TMEM218: variants seen among roughly 807,000 people sequenced by gnomAD.
TMEM218 encodes the protein transmembrane protein 218.
TMEM218 carries 8 observed loss-of-function variants against 10.0 expected under a neutral mutation model. The observed-to-expected ratio is 0.80, with a 90% CI of 0.47 to 1.44. The LOEUF (loss-of-function observed/expected upper bound fraction) is 1.44, where lower values mean the gene tolerates loss of function less well. TMEM218 is among the 40% of genes most tolerant of loss of function. TMEM218 has a pLI of 0.00. For synonymous variants in TMEM218, 66 were observed against 63.5 expected, an observed-to-expected ratio of 1.04 and a Z score of -0.18; for missense variants, 110 against 140.1, an observed-to-expected ratio of 0.79 and a Z score of 1.08.
At position 125,102,515 on chromosome 11, in the gene TMEM218, C is replaced by T. The variant is rs972049267; in HGVS notation, c.-76-198G>A. On this transcript the variant is annotated intron_variant, in intron 2 of 4. Coordinates refer to ENST00000682305, the MANE Select transcript of TMEM218 (RefSeq NM_001258244.2). ...TGGTGGGGACTGAGAGGGTGTTTTC[C>T]GCTCTGCGCTCAGAAGTTTTTTCTG... The T allele has an allele frequency of 3.3e-5, 48 of 1,437,994 alleles. 1 individual carries two copies. Among genetic ancestry groups the T allele is most frequent in the South Asian group, 1.0e-4 (8 of 77,650 alleles). The allele number at this position is 1,437,994 out of a possible 1,614,324, so 89.1% of individuals were successfully genotyped here.
Position 125,108,090 on chromosome 11 carries a change from G to A in TMEM218, c.-153+3449C>T, listed in dbSNP as rs1410503505. 6.6e-6 allele frequency among the ~76,000 whole-genome samples: 1 copy of A among 152,082 alleles called. No individual in the cohort carries two copies. The highest frequency in any genetic ancestry group is 2.4e-5 in the African/African-American group (1 of 41,414). Reference sequence around the variant, plus strand: ...ACGGATCCTAAATTCATATGGAAGAGCAAAAACCCAAGAATAGCCAAAACA... The same window carrying A: ...ACGGATCCTAAATTCATATGGAAGAACAAAAACCCAAGAATAGCCAAAACA... On this transcript the variant is annotated intron_variant, in intron 1 of 4. Coordinates refer to ENST00000682305, the MANE Select transcript of TMEM218 (RefSeq NM_001258244.2). The surrounding 1 kb of genome is among the most constrained non-coding windows in gnomAD (Gnocchi z 5.3).
At chr11:125,098,896 G>A (rs1270453280) in intron 4 of TMEM218, among the ~76,000 whole-genome samples, 1 of 152,172 alleles carries the variant, frequency 6.6e-6, no homozygotes, top group East Asian at 1.9e-4. Flanking sequence ...GAAGGGGGCT[G>A]TCAGCCAAGG....
intron 4 of TMEM218, among the ~76,000 whole-genome samples, chr11:125,100,192 C>T (rs1950472385): frequency 6.6e-6 from 1 of 152,218 alleles, no homozygotes; most frequent in Non-Finnish European, 1.5e-5. Flanking sequence ...AATGCTAACC[C>T]ATGAGCTCTC....
rs77803881 is a variant in TMEM218, at chr11:125,099,057, C to T, written c.214-1317G>A. ...CCTACAGAACTGTAAGATAATACAT[C>T]TGTGTTGGGAGCCATTAGTTCACAT... On this transcript the variant is annotated intron_variant, in intron 4 of 4. Transcript: ENST00000682305. 5.0e-3 allele frequency among the ~76,000 whole-genome samples: 756 copies of T among 152,326 alleles called. 7 individuals carry two copies. Among genetic ancestry groups the T allele is most frequent in the African/African-American group, 0.017 (717 of 41,578 alleles).
At chr11:125,105,930 C>T (rs1238315235) in intron 1 of TMEM218, among the ~76,000 whole-genome samples, 1 of 152,110 alleles carries the variant, frequency 6.6e-6, no homozygotes, top group Non-Finnish European at 1.5e-5. Flanking sequence ...TATTTGACTA[C>T]TAAAAGAAAT....
intron 1 of TMEM218, among the ~76,000 whole-genome samples, chr11:125,106,960 C>T (rs1236115878): frequency 6.6e-6 from 1 of 152,138 alleles, no homozygotes; most frequent in Non-Finnish European, 1.5e-5. Context: ...ACAATCTATT[C>T]ATTCATACAG....
intron 1 of TMEM218, among the ~76,000 whole-genome samples, chr11:125,107,199 G>A (rs1952384653): frequency 6.6e-6 from 1 of 152,188 alleles, no homozygotes; most frequent in African/African-American, 2.4e-5. Context: ...GAAACATAGT[G>A]ACTGTAGGAG....
At chr11:125,099,947 A>AGTGAGGT (rs201141139) in intron 4 of TMEM218, among the ~76,000 whole-genome samples, 2,679 of 151,412 alleles carry the variant, frequency 0.018, 85 homozygotes, top group African/African-American at 0.061. Flanking sequence ...AAAAAAGATA[A>AGTGAGGT]GTGAGGTGTG....
Position 125,094,606 on chromosome 11 carries a change from C to T in TMEM218, c.*3000G>A, listed in dbSNP as rs910112414. ...AATTAACTGTGAAACTTTTTAAATC[C>T]CTTGTCCTCTCTGCCTGTTTCTCAT... is the stretch of plus-strand genomic sequence containing the variant. On this transcript the variant is annotated 3_prime_UTR_variant, in exon 5 of 5. Transcript: ENST00000682305. Among the ~76,000 whole-genome samples the T allele has an allele frequency of 2.6e-5, 4 of 151,762 alleles. No individual in the cohort carries two copies. The highest frequency in any genetic ancestry group is 9.7e-5 in the African/African-American group (4 of 41,216).
intron 1 of TMEM218, among the ~76,000 whole-genome samples, chr11:125,107,084 AAGCT>A (rs938394920): frequency 4.6e-5 from 7 of 152,234 alleles, no homozygotes; most frequent in Non-Finnish European, 1.0e-4. Flanking sequence ...TAAATGAAAA[AAGCT>A]AGAGGCTAAA....
rs765934768 is a variant in TMEM218, at chr11:125,102,528, G to C, written c.-77+206C>G. The C allele has an allele frequency of 2.9e-4, 421 of 1,428,688 alleles. 1 individual carries two copies. The highest frequency in any genetic ancestry group is 3.7e-4 in the Non-Finnish European group (401 of 1,084,232). The allele number at this position is 1,428,688 out of a possible 1,614,324, so 88.5% of individuals were successfully genotyped here. On this transcript the variant is annotated intron_variant, in intron 2 of 4. Transcript: ENST00000682305. The stretch of plus-strand genomic sequence containing the variant: ...GAGGGTGTTTTCCGCTCTGCGCTCA[G>C]AAGTTTTTTCTGAGTGTTTCCTTTC...
Position 125,097,297 on chromosome 11 carries a change from A to T in TMEM218, c.*309T>A, listed in dbSNP as rs981794882. On this transcript the variant is annotated 3_prime_UTR_variant, in exon 5 of 5. Coordinates refer to ENST00000682305, the MANE Select transcript of TMEM218 (RefSeq NM_001258244.2). ...CCAAAATCCACTTACTAAGGACTTG[A>T]GTGAAAATCCACTCTAAGCAGATCA... The T allele has an allele frequency of 9.6e-6, 2 of 207,438 alleles. No individual in the cohort carries two copies. Among genetic ancestry groups the T allele is most frequent in the Non-Finnish European group, 1.9e-5 (2 of 104,908 alleles). 12.8% of individuals were successfully genotyped at this position (207,438 alleles called of 1,614,324 possible). A position where few individuals can be genotyped will look rare whatever the true frequency, so the allele number is the denominator to read the frequency against.
chr11:125,095,530 A>G lies in TMEM218; in HGVS notation c.*2076T>C, dbSNP rs1949538577. Among the ~76,000 whole-genome samples, 1 of 152,204 alleles carries G rather than the reference A, an allele frequency of 6.6e-6. No individual in the cohort carries two copies. The highest frequency in any genetic ancestry group is 2.4e-5 in the African/African-American group (1 of 41,444). ...GCATAACTGCATTGAGTATGCAGGTAGAAAGAAATCTATCATTCATTTCAC... is the reference window on the plus strand; with the variant it reads ...GCATAACTGCATTGAGTATGCAGGTGGAAAGAAATCTATCATTCATTTCAC... On this transcript the variant is annotated 3_prime_UTR_variant, in exon 5 of 5. Transcript: ENST00000682305.
In TMEM218 at chr11:125,108,335, G is replaced by A. The variant is rs998192264; in HGVS notation, c.-153+3204C>T. On this transcript the variant is annotated intron_variant, in intron 1 of 4. Transcript: ENST00000682305. The surrounding 1 kb of genome is among the most constrained non-coding windows in gnomAD (Gnocchi z 5.3). The stretch of plus-strand genomic sequence containing the variant: ...ATGGGTAAAGAACTTCATAGATAGT[G>A]TTGGGACAAATGATTCTCCAATAGG... 1.5e-4 allele frequency among the ~76,000 whole-genome samples: 23 copies of A among 152,176 alleles called. No homozygotes were observed. Among genetic ancestry groups the A allele is most frequent in the African/African-American group, 4.6e-4 (19 of 41,454 alleles).
chr11:125,097,789 G>A (rs1219748458), intron 4 of TMEM218, 49 bp from the exon 5 acceptor site: 2 of 1,582,806 alleles, frequency 1.3e-6, no homozygotes, highest in Non-Finnish European at 8.6e-7. Flanking sequence ...TAGACACCCT[G>A]GCTGGGTTAA....
chr11:125,105,297 T>C (rs1951849754), intron 1 of TMEM218, among the ~76,000 whole-genome samples: 1 of 152,142 alleles, frequency 6.6e-6, no homozygotes. Context: ...GAGAACCCAT[T>C]GGATCCCAGC....
intron 1 of TMEM218, among the ~76,000 whole-genome samples, chr11:125,105,302 C>T (rs1951852223): frequency 6.6e-6 from 1 of 152,150 alleles, no homozygotes; most frequent in Non-Finnish European, 1.5e-5. Context: ...CCCATTGGAT[C>T]CCAGCAGAGA....
At chr11:125,102,576 T>C (rs910694963) in intron 2 of TMEM218, 158 bp downstream of exon 2, 1 of 1,340,932 alleles carries the variant, frequency 7.5e-7, no homozygotes, top group African/African-American at 1.5e-5. Context: ...TGAGTTCTAC[T>C]TTGACCTCTT....
chr11:125,107,784 G>A (rs748595152), intron 1 of TMEM218, among the ~76,000 whole-genome samples: 7 of 112,526 alleles, frequency 6.2e-5, no homozygotes, highest in Non-Finnish European at 9.5e-5. Flanking sequence ...ATAATAAAAA[G>A]ATGTGGATAT....
Sources: gnomAD v4.1 joint callset for allele counts (sites outside exome capture counted in the v4.1 genomes callset) on GRCh38, gnomAD v4.1.1 for gene constraint, Gnocchi (gnomAD v3.1) non-coding constraint, MANE v1.5 for transcripts, NCBI Gene and HGNC (gene_info 2026-07-23, HGNC 2026-07-21) for gene names.